Variants in SPATA13 observed in about 807,000 individuals in gnomAD.
The protein encoded by SPATA13 is spermatogenesis associated 13.
In SPATA13, 50 loss-of-function variants were observed where a neutral mutation model predicts 104.0. The ratio of observed to expected loss-of-function variants is 0.48; its 90% confidence interval spans 0.38 to 0.61. SPATA13 has a LOEUF of 0.61. Among genes scored for constraint, SPATA13 ranks in the 20% least tolerant of loss-of-function variants. The pLI is 0.00. For synonymous variants in SPATA13, 606 were observed against 667.5 expected (o/e 0.91, Z 1.42); for missense variants, 1,524 against 1,690.6 (o/e 0.90, Z 1.73).
At chr13:24,092,417 T>C (rs959330693) in intron 3 of SPATA13, among the ~76,000 whole-genome samples, 1 of 152,182 alleles carries the variant, frequency 6.6e-6, no homozygotes, top group African/African-American at 2.4e-5. Flanking sequence ...ATGACTGCAA[T>C]TGGTATAACT....
chr13:24,287,575 A>G (rs1334595427), intron 7 of SPATA13, among the ~76,000 whole-genome samples: 2 of 152,232 alleles, frequency 1.3e-5, no homozygotes, highest in East Asian at 3.8e-4. Context: ...ACAAAGAGTC[A>G]AAGGTTTGTC....
At chr13:24,073,107 A>T in intron 3 of SPATA13, among the ~76,000 whole-genome samples, 1 of 152,074 alleles carries the variant, frequency 6.6e-6, no homozygotes. Flanking sequence ...GAGTTATTTG[A>T]CCATTTTCTG....
chr13:24,278,731 A>G, intron 4 of SPATA13: 1 of 1,586,860 alleles, frequency 6.3e-7, no homozygotes, highest in Non-Finnish European at 8.6e-7. Flanking sequence ...TCAACAGGTG[A>G]AAAAACAAAG....
At chr13:24,096,775 A>T (rs960573357) in intron 3 of SPATA13, among the ~76,000 whole-genome samples, 6 of 152,118 alleles carry the variant, frequency 3.9e-5, no homozygotes. Flanking sequence ...GCCCTGCAGA[A>T]GAGAGCTCAG....
chr13:24,120,959 G>T (rs1881013315), intron 3 of SPATA13, among the ~76,000 whole-genome samples: 1 of 152,174 alleles, frequency 6.6e-6, no homozygotes, highest in African/African-American at 2.4e-5. Flanking sequence ...CTAGGTCTGA[G>T]GAATAAAACT....
intron 4 of SPATA13, among the ~76,000 whole-genome samples, chr13:24,259,920 G>A (rs1873974670): frequency 6.6e-6 from 1 of 152,306 alleles, no homozygotes; most frequent in Non-Finnish European, 1.5e-5. Context: ...GATTAGAGGT[G>A]TGAGCCACCA....
intron 4 of SPATA13, chr13:24,270,814 C>T: frequency 1.2e-6 from 2 of 1,612,594 alleles, no homozygotes; most frequent in Non-Finnish European, 1.7e-6. Flanking sequence ...TCCTCGGTCA[C>T]ACCCCAGTCC....
Position 24,297,214 on chromosome 13 carries a change from A to G in SPATA13, c.3211-149A>G. 3 of 937,362 alleles carry G rather than the reference A, an allele frequency of 3.2e-6. No individual in the cohort carries two copies. In the East Asian group the frequency reaches 8.1e-5, roughly 25 times the overall value. The allele number at this position is 937,362 out of a possible 1,614,324, so 58.1% of individuals were successfully genotyped here. A position where few individuals can be genotyped will look rare whatever the true frequency, so the allele number is the denominator to read the frequency against. The stretch of plus-strand genomic sequence containing the variant: ...CCACCATGCCTGGCTAATTTTTAAA[A>G]TTTTATGTGGAGATGGGGTCTTGCT... On this transcript the variant is annotated intron_variant, in intron 10 of 12. Transcript: ENST00000382108.
intron 3 of SPATA13, among the ~76,000 whole-genome samples, chr13:24,109,109 T>C (rs986424279): frequency 2.6e-5 from 4 of 152,066 alleles, no homozygotes; most frequent in Non-Finnish European, 5.9e-5. Context: ...TCCCTCTCCT[T>C]TTCCCGCACC....
chr13:24,020,462 G>A (rs549522057), intron 3 of SPATA13, among the ~76,000 whole-genome samples: 1 of 152,174 alleles, frequency 6.6e-6, no homozygotes, highest in East Asian at 1.9e-4. Context: ...ATCCATTTGA[G>A]TTGGAAACCA....
At chr13:24,020,147 A>G (rs1244156796) in intron 3 of SPATA13, among the ~76,000 whole-genome samples, 6 of 152,210 alleles carry the variant, frequency 3.9e-5, no homozygotes, top group African/African-American at 1.4e-4. Flanking sequence ...GAAACACACC[A>G]ACATTTGGGA....
At chr13:24,024,265 T>C (rs556836274) in intron 3 of SPATA13, among the ~76,000 whole-genome samples, 2 of 149,900 alleles carry the variant, frequency 1.3e-5, no homozygotes, top group Non-Finnish European at 3.0e-5. Context: ...TTCTTCAGAC[T>C]ATAGGACTTT....
chr13:24,279,863 C>G (rs545236046), intron 4 of SPATA13, among the ~76,000 whole-genome samples: 3 of 152,320 alleles, frequency 2.0e-5, no homozygotes, highest in East Asian at 1.9e-4. Flanking sequence ...GCCTCTGCCC[C>G]CCATCTCCTG....
At chr13:24,135,077 A>C (rs919089642) in intron 3 of SPATA13, among the ~76,000 whole-genome samples, 2 of 152,190 alleles carry the variant, frequency 1.3e-5, no homozygotes, top group African/African-American at 4.8e-5. Flanking sequence ...CATAGCCTTC[A>C]GAAAGAAACA....
At chr13:24,162,355 A>T (rs911471290) in intron 1 of SPATA13, 2 of 154,374 alleles carry the variant, frequency 1.3e-5, no homozygotes, top group Non-Finnish European at 2.9e-5. Context: ...TGGAGGGCAC[A>T]CCTTGCCTCA....
rs138283435 is a variant in SPATA13 at position 24,286,240 on chromosome 13, C to T, written c.2328C>T (p.Cys776=). The change falls in exon 6 of 13, where the codon TGC becomes TGT. Residue 776 remains cysteine (C), a synonymous_variant. Coordinates refer to ENST00000382108, the MANE Select transcript of SPATA13 (RefSeq NM_001166271.3). The surrounding 1 kb of genome is among the most constrained non-coding windows in gnomAD (Gnocchi z 4.9). ...NELISDGNVV[C]AEALWDHVTM... ...TGATCAGTGATGGCAACGTGGTCTG[C>T]GCAGAAGCCCTGTGGGACCATGTGA... The T allele has an allele frequency of 2.4e-5, 39 of 1,613,456 alleles. 1 individual carries two copies. The highest frequency in any genetic ancestry group is 1.7e-4 in the Middle Eastern group (1 of 5,956).
chr13:24,238,793 A>G (rs1872695154), intron 2 of SPATA13, among the ~76,000 whole-genome samples: 1 of 152,228 alleles, frequency 6.6e-6, no homozygotes, highest in African/African-American at 2.4e-5. Flanking sequence ...TTTGTGATAT[A>G]AATTTTTCAT....
intron 1 of SPATA13, among the ~76,000 whole-genome samples, chr13:24,218,459 C>T (rs866969832): frequency 2.0e-5 from 3 of 152,146 alleles, no homozygotes; most frequent in African/African-American, 7.2e-5. Flanking sequence ...CCTCACTGGG[C>T]CCTAGCATCC....
At chr13:24,109,504 C>G (rs1880568630) in intron 3 of SPATA13, among the ~76,000 whole-genome samples, 1 of 152,164 alleles carries the variant, frequency 6.6e-6, no homozygotes, top group Non-Finnish European at 1.5e-5. Context: ...CTCCAGCTCT[C>G]TTTAATGTTG....
Sources: allele counts gnomAD v4.1 joint callset (sites outside exome capture counted in the v4.1 genomes callset), GRCh38; gene constraint gnomAD v4.1.1; non-coding constraint Gnocchi (gnomAD v3.1); transcripts MANE v1.5; gene names NCBI Gene and HGNC (gene_info 2026-07-23, HGNC 2026-07-21).